Variants in TAGLN3 observed in about 807,000 individuals in gnomAD.
TAGLN3 encodes the protein transgelin 3, also known as transgelin-3.
A neutral mutation model predicts 25.4 loss-of-function variants in TAGLN3; 12 were observed. The ratio of observed to expected loss-of-function variants is 0.47; its 90% CI spans 0.30 to 0.77. The LOEUF (loss-of-function observed/expected upper bound fraction) is 0.77, where lower values mean the gene tolerates loss of function less well. Ranked by LOEUF, TAGLN3 falls within the 30% of genes least tolerant of loss-of-function variation. TAGLN3 has a pLI of 0.06. For missense variants in TAGLN3, 218 were observed against 255.8 expected, an observed-to-expected ratio of 0.85 and a Z score of 1.01; for synonymous variants, 96 against 94.8, an observed-to-expected ratio of 1.01 and a Z score of -0.08.
intron 3 of TAGLN3, among the ~76,000 whole-genome samples, chr3:112,001,180 T>C (rs2072855193): frequency 6.6e-6 from 1 of 152,148 alleles, no homozygotes; most frequent in African/African-American, 2.4e-5. Flanking sequence ...CAGCAACTAA[T>C]GTAAACAGAA....
intron 4 of TAGLN3, 51 bp downstream of exon 4, chr3:112,011,916 G>A: frequency 6.4e-7 from 1 of 1,567,848 alleles, no homozygotes; most frequent in Non-Finnish European, 8.7e-7. Context: ...TTAACCAGAG[G>A]GAGGGTCTGA....
In TAGLN3 at chr3:112,000,966, T is replaced by C; in HGVS notation, c.355+20T>C. ...GGGAAGGTAAACAGCCCCCTGGCCT[T>C]TGGGATTGTTCTTTTCTTCTCTCCT... On this transcript the variant is annotated intron_variant, in intron 3 of 4. Transcript: ENST00000478951. 6.2e-7 allele frequency: 1 copy of C among 1,610,348 alleles called. No individual in the cohort carries two copies.
intron 4 of TAGLN3, among the ~76,000 whole-genome samples, 182 bp downstream of exon 4, chr3:112,012,047 C>T (rs921511403): frequency 6.5e-4 from 99 of 152,330 alleles, no homozygotes; most frequent in African/African-American, 2.3e-3. Flanking sequence ...AGTAACCTAA[C>T]CAGAGCAGAA....
chr3:112,001,878 A>G (rs1576076520), intron 3 of TAGLN3, among the ~76,000 whole-genome samples: 2 of 152,246 alleles, frequency 1.3e-5, no homozygotes, highest in African/African-American at 4.8e-5. Flanking sequence ...AAGGGTATTC[A>G]GATGATGGTT....
chr3:112,006,039 G>A (rs539225977), intron 3 of TAGLN3, among the ~76,000 whole-genome samples: 17 of 152,088 alleles, frequency 1.1e-4, no homozygotes, highest in East Asian at 1.9e-4. Context: ...GATTACAGGC[G>A]TGAGCCACCG....
At chr3:112,005,785 C>T (rs1419011671) in intron 3 of TAGLN3, among the ~76,000 whole-genome samples, 4 of 150,534 alleles carry the variant, frequency 2.7e-5, no homozygotes, top group East Asian at 1.9e-4. Flanking sequence ...CTGCAAGCTC[C>T]GCCTCCCAGG....
Position 112,013,738 on chromosome 3 carries a change from A to C in TAGLN3, c.*187A>C. ...CTGCTGCCACCTCCTGTTCATTTAG[A>C]ACTATGCAAAGACTCCGCTTCCGTT... On this transcript the variant is annotated 3_prime_UTR_variant, in exon 5 of 5. Transcript: ENST00000478951. 1 of 809,344 alleles carries C rather than the reference A, an allele frequency of 1.2e-6. No individual in the cohort carries two copies. The highest frequency in any genetic ancestry group is 2.1e-6 in the Non-Finnish European group (1 of 483,622). 50.1% of individuals were successfully genotyped at this position (809,344 alleles called of 1,614,324 possible).
At chr3:112,010,779 T>G (rs2072967832) in intron 3 of TAGLN3, among the ~76,000 whole-genome samples, 1 of 152,188 alleles carries the variant, frequency 6.6e-6, no homozygotes, top group South Asian at 2.1e-4. Context: ...TTTCTGTCTC[T>G]CCTCTTCGAA....
intron 3 of TAGLN3, among the ~76,000 whole-genome samples, chr3:112,011,011 T>G (rs191613412): frequency 1.3e-5 from 2 of 152,366 alleles, no homozygotes; most frequent in East Asian, 3.9e-4. Context: ...CCAGGTTAGA[T>G]GCTGCCTTCC....
Position 112,005,693 on chromosome 3 carries a change from C to CTTTTTTTT in TAGLN3, c.355+4748_355+4755dup. 5.0e-5 allele frequency among the ~76,000 whole-genome samples: 4 copies of CTTTTTTTT among 79,938 alleles called. 1 individual carries two copies. The highest frequency in any genetic ancestry group is 4.5e-5 in the African/African-American group (1 of 22,220). 52.4% of individuals were successfully genotyped at this position (79,938 alleles called of 152,430 possible). ...TGTCTGCTGCTCGAAGCCTAATTTT[C>CTTTTTTTT]TTTTTTTTCTTTTTTTTTTTTTTTG... is the stretch of plus-strand genomic sequence containing the variant. On this transcript the variant is annotated intron_variant, in intron 3 of 4. Transcript: ENST00000478951.
intron 3 of TAGLN3, among the ~76,000 whole-genome samples, chr3:112,009,667 G>A (rs11719077): frequency 0.77 from 117,083 of 152,166 alleles, 45,347 homozygotes; most frequent in African/African-American, 0.87. Flanking sequence ...CCACACATGA[G>A]GAGGAATAAT....
chr3:111,999,672 C>T (rs2072833587), intron 2 of TAGLN3, 70 bp downstream of exon 2: 2 of 1,549,842 alleles, frequency 1.3e-6, no homozygotes, highest in African/African-American at 1.4e-5. Flanking sequence ...TTTCTTTTAA[C>T]GTAAGGCTGC....
chr3:112,005,627 A>G (rs2072907702), intron 3 of TAGLN3, among the ~76,000 whole-genome samples: 1 of 151,004 alleles, frequency 6.6e-6, no homozygotes, highest in South Asian at 2.1e-4. Flanking sequence ...CTTTTGGGAT[A>G]TTGTAAGTAA....
rs200132919 is a variant in TAGLN3 at position 112,011,870 on chromosome 3, A to C, written c.458+5A>C. The C allele has an allele frequency of 6.2e-7, 1 of 1,613,280 alleles. No homozygotes were observed. Among genetic ancestry groups the C allele is most frequent in the African/African-American group, 1.3e-5 (1 of 75,000 alleles). On this transcript the variant is annotated splice_donor_5th_base_variant and intron_variant, in intron 4 of 4. Transcript: ENST00000478951. ...AGAGCCATCCTGGTTTCACAGGTAA[A>C]AGCCTCTTCCTTGCCCCCTGGACCA...
In TAGLN3 at chr3:112,000,706, A is replaced by C. The variant is rs373115040; in HGVS notation, c.181-66A>C. ...GCAGTGTCCCACGTGAGCAGGATTCACTTCTCATTCTTGACCTGTAAATAC... is the reference window on the plus strand; with the variant it reads ...GCAGTGTCCCACGTGAGCAGGATTCCCTTCTCATTCTTGACCTGTAAATAC... On this transcript the variant is annotated intron_variant, in intron 2 of 4. Coordinates refer to ENST00000478951, the MANE Select transcript of TAGLN3 (RefSeq NM_001008272.2). 225 of 1,537,502 alleles carry C rather than the reference A, an allele frequency of 1.5e-4. No homozygotes were observed. The African/African-American group carries it at 1.5e-3, about 10-fold the overall frequency.
intron 3 of TAGLN3, among the ~76,000 whole-genome samples, chr3:112,005,857 C>T (rs1020757313): frequency 2.1e-4 from 32 of 151,286 alleles, no homozygotes; most frequent in East Asian, 1.4e-3. Flanking sequence ...CCTGCCACCA[C>T]GCCCGGCTAA....
At chr3:112,001,543 G>A (rs886669357) in intron 3 of TAGLN3, among the ~76,000 whole-genome samples, 2 of 152,342 alleles carry the variant, frequency 1.3e-5, no homozygotes, top group African/African-American at 4.8e-5. Flanking sequence ...TTAATGATCT[G>A]CCATTACTGG....
At chr3:112,010,585 C>T (rs1184772663) in intron 3 of TAGLN3, among the ~76,000 whole-genome samples, 3 of 152,196 alleles carry the variant, frequency 2.0e-5, no homozygotes, top group Non-Finnish European at 4.4e-5. Context: ...TATGCCTTCT[C>T]CCTTCTGTCT....
chr3:112,013,034 GA>G (rs1351256202), intron 4 of TAGLN3, among the ~76,000 whole-genome samples: 4 of 152,170 alleles, frequency 2.6e-5, no homozygotes, highest in Non-Finnish European at 5.9e-5. Context: ...GGGAAGAAGG[GA>G]GAGTGGGGAG....
Sources: gnomAD v4.1 joint callset for allele counts (sites outside exome capture counted in the v4.1 genomes callset) on GRCh38, gnomAD v4.1.1 for gene constraint, MANE v1.5 for transcripts, NCBI Gene and HGNC (gene_info 2026-07-23, HGNC 2026-07-21) for gene names.